The following PCDHA3 variants were observed in gnomAD, a reference collection of about 807,000 sequenced individuals.
PCDHA3 encodes the protein protocadherin alpha-3.
In PCDHA3, 41 loss-of-function variants were observed where a neutral mutation model predicts 62.2. That is an observed-to-expected ratio of 0.66 (90% CI 0.51 to 0.86). PCDHA3 has a LOEUF of 0.86. Among genes scored for constraint, PCDHA3 ranks in the 40% least tolerant of loss-of-function variants. The probability of loss-of-function intolerance (pLI) is 0.00; values close to 1 mark genes in which losing one functional copy is unlikely to be tolerated. For missense variants in PCDHA3, 1,304 were observed against 1,241.2 expected (o/e 1.05, Z -0.76); for synonymous variants, 640 against 555.4 (o/e 1.15, Z -2.14).
chr5:140,827,997 A>G (rs1769481948), intron 1 of PCDHA3: 1 of 1,482,378 alleles, frequency 6.7e-7, no homozygotes, highest in Admixed American at 2.3e-5. Flanking sequence ...ATGATGGCGG[A>G]CGCAGAAGAA....
At chr5:140,963,204 A>G (rs2095745825) in intron 1 of PCDHA3, among the ~76,000 whole-genome samples, 1 of 152,104 alleles carries the variant, frequency 6.6e-6, no homozygotes, top group African/African-American at 2.4e-5. Flanking sequence ...ATGAAAAAAA[A>G]AACCTCGTGT....
At chr5:140,810,682 C>G (rs1443400304) in intron 1 of PCDHA3, 1 of 151,610 alleles carries the variant, frequency 6.6e-6, no homozygotes, top group Non-Finnish European at 1.5e-5. Context: ...TTTTTCTCTT[C>G]TTTTTGCTTC....
chr5:140,803,187 A>G lies in PCDHA3; in HGVS notation c.1990A>G (p.Thr664Ala). The change falls in exon 1 of 4, where the codon ACT becomes GCT. Residue 664 changes from threonine to alanine, a missense_variant. Thr to Ala is a moderately conservative substitution (Grantham distance 58). Transcript: ENST00000522353. ...HGEPSLTATA[T>A]VLVSLVESGQ... ...TGAACCCTCATTGACCGCCACGGCC[A>G]CTGTGCTGGTGTCGCTGGTGGAGAG... is the stretch of plus-strand genomic sequence containing the variant. 1 of 1,613,930 alleles carries G rather than the reference A, an allele frequency of 6.2e-7. No homozygotes were observed. Among genetic ancestry groups the G allele is most frequent in the Non-Finnish European group, 8.5e-7 (1 of 1,179,940 alleles).
intron 1 of PCDHA3, among the ~76,000 whole-genome samples, chr5:140,960,614 G>A (rs1167351854): frequency 3.3e-5 from 5 of 152,130 alleles, no homozygotes; most frequent in African/African-American, 1.2e-4. Context: ...AATATCTAGT[G>A]TGTTTTTGAA....
At chr5:140,876,155 T>A in intron 1 of PCDHA3, 1 of 1,613,994 alleles carries the variant, frequency 6.2e-7, no homozygotes, top group Non-Finnish European at 8.5e-7. Context: ...TCTGTCCAGA[T>A]TCAAATAACC....
chr5:140,850,652 T>C lies in PCDHA3; in HGVS notation c.2394+47061T>C, dbSNP rs2150492321. 4 of 1,598,476 alleles carry C rather than the reference T, an allele frequency of 2.5e-6. No homozygotes were observed. In the South Asian group the frequency reaches 3.3e-5, roughly 13 times the overall value. On this transcript the variant is annotated intron_variant, in intron 1 of 3. Coordinates refer to ENST00000522353, the MANE Select transcript of PCDHA3 (RefSeq NM_018906.3). ...TGGTTCTCACGCTGCTGCTGTACAC[T>C]GTGCTGCGGTGCTCGGCGATGCCCA...
In PCDHA3 at chr5:140,848,578, G is replaced by A. The variant is rs148489343; in HGVS notation, c.2394+44987G>A. On this transcript the variant is annotated intron_variant, in intron 1 of 3. Transcript: ENST00000522353. ...ATCCTCGCAATGTGGGTGGTGGGGA[G>A]CGGCCAGCTCCACTACTCCGTCCCG... 4 of 1,595,522 alleles carry A rather than the reference G, an allele frequency of 2.5e-6. 1 individual carries two copies. In the African/African-American group the frequency reaches 4.0e-5, roughly 16 times the overall value.
chr5:140,896,536 CTT>C (rs34213614), intron 1 of PCDHA3, among the ~76,000 whole-genome samples: 1 of 145,640 alleles, frequency 6.9e-6, no homozygotes. Flanking sequence ...AGCTATTTTT[CTT>C]TTTTTTTTTT....
chr5:140,879,740 T>G (rs1337276853), intron 1 of PCDHA3, among the ~76,000 whole-genome samples: 1 of 152,200 alleles, frequency 6.6e-6, no homozygotes, highest in East Asian at 1.9e-4. Flanking sequence ...ATCAAGGTGT[T>G]GTCAAGGCTA....
chr5:140,994,189 G>T (rs992894961), intron 3 of PCDHA3, among the ~76,000 whole-genome samples: 2 of 152,176 alleles, frequency 1.3e-5, no homozygotes, highest in Admixed American at 6.5e-5. Context: ...AACCACCAGG[G>T]CCTGTTGGTC....
intron 1 of PCDHA3, chr5:140,883,045 A>G: frequency 1.2e-6 from 2 of 1,614,190 alleles, no homozygotes; most frequent in Non-Finnish European, 1.7e-6. Context: ...TCAATGGAAC[A>G]TTAGTGATCA....
chr5:140,837,564 A>G, intron 1 of PCDHA3, among the ~76,000 whole-genome samples: 1 of 152,062 alleles, frequency 6.6e-6, no homozygotes, highest in South Asian at 2.1e-4. Context: ...ATATAAATAT[A>G]TTTACAATCA....
chr5:140,946,631 T>TATATATATATATATATATAC lies in PCDHA3; in HGVS notation c.2395-32317_2395-32316insTATATATATATATATATACA, dbSNP rs57893927. ...TGTGAAATATATATATATATATATA[T>TATATATATATATATATATAC]ACAATGGAATACTCATCAGCCATTA... On this transcript the variant is annotated intron_variant, in intron 1 of 3. Transcript: ENST00000522353. Among the ~76,000 whole-genome samples, 543 of 131,742 alleles carry TATATATATATATATATATAC rather than the reference T, an allele frequency of 4.1e-3. 35 individuals are homozygous for TATATATATATATATATATAC. Among genetic ancestry groups the TATATATATATATATATATAC allele is most frequent in the African/African-American group, 0.018 (501 of 28,614 alleles). The allele number at this position is 131,742 out of a possible 152,430, so 86.4% of individuals were successfully genotyped here.
chr5:140,925,640 G>GAA (rs1554202829), intron 1 of PCDHA3, among the ~76,000 whole-genome samples: 1 of 75,086 alleles, frequency 1.3e-5, no homozygotes, highest in Non-Finnish European at 2.8e-5. Context: ...AGAACTTAAA[G>GAA]TATAATAATA....
At chr5:140,829,924 G>A (rs141677964) in intron 1 of PCDHA3, 8 of 1,613,896 alleles carry the variant, frequency 5.0e-6, no homozygotes, top group Non-Finnish European at 6.8e-6. Flanking sequence ...CGTATGAGCT[G>A]CAGCCCCCGG....
chr5:140,818,382 A>T (rs1393215714), intron 1 of PCDHA3, among the ~76,000 whole-genome samples: 1 of 152,174 alleles, frequency 6.6e-6, no homozygotes, highest in Non-Finnish European at 1.5e-5. Flanking sequence ...GAATCGTGGC[A>T]TTTTTCCATT....
At chr5:140,866,584 T>C (rs2049444092) in intron 1 of PCDHA3, 1 of 152,156 alleles carries the variant, frequency 6.6e-6, no homozygotes, top group Non-Finnish European at 1.5e-5. Context: ...GGTTGGATAA[T>C]GTAATTCTAA....
At chr5:140,884,439 C>T (rs1554181562) in intron 1 of PCDHA3, 1 of 1,613,818 alleles carries the variant, frequency 6.2e-7, no homozygotes, top group Non-Finnish European at 8.5e-7. Flanking sequence ...CTGCGGTGCT[C>T]GGCACCGCCC....
chr5:140,919,795 A>G (rs1554199259), intron 1 of PCDHA3, among the ~76,000 whole-genome samples: 1 of 152,070 alleles, frequency 6.6e-6, no homozygotes, highest in East Asian at 1.9e-4. Context: ...CTTGTGGTGG[A>G]TTGAATTGTG....
Sources: allele counts gnomAD v4.1 joint callset (sites outside exome capture counted in the v4.1 genomes callset), GRCh38; gene constraint gnomAD v4.1.1; transcripts MANE v1.5; gene names NCBI Gene and HGNC (gene_info 2026-07-23, HGNC 2026-07-21).